The following SHOC2 variants were observed in gnomAD, a reference collection of about 807,000 sequenced individuals.
SHOC2 encodes SHOC2 leucine rich repeat scaffold protein.
Under a neutral mutation model 50.2 loss-of-function variants are expected in SHOC2, and 4 were observed. The observed-to-expected ratio is 0.08, with a 90% CI of 0.04 to 0.18. The LOEUF is 0.18. Among genes scored for constraint, SHOC2 ranks in the 10% least tolerant of loss-of-function variants. The pLI, the probability that SHOC2 is intolerant of heterozygous loss-of-function variation, is 1.00. For synonymous variants in SHOC2, 218 were observed against 244.5 expected, an observed-to-expected ratio of 0.89 and a Z score of 1.01; for missense variants, 388 against 669.6, an observed-to-expected ratio of 0.58 and a Z score of 4.64.
intron 2 of SHOC2, among the ~76,000 whole-genome samples, chr10:110,983,648 CTG>C (rs1848025569): frequency 6.6e-6 from 1 of 152,202 alleles, no homozygotes. Context: ...GACTGAAACT[CTG>C]TACCTGCTGA....
Position 110,940,928 on chromosome 10 carries a change from T to G in SHOC2, c.-235+21271T>G, listed in dbSNP as rs1354471137. On this transcript the variant is annotated intron_variant, in intron 1 of 8. Transcript: ENST00000369452. ...GTGGTGGGTTTTTTTTTTTTTTTTTTTTTTTTTTTTTTTTTTTTTTGTGAC... is the reference window on the plus strand; with the variant it reads ...GTGGTGGGTTTTTTTTTTTTTTTTTGTTTTTTTTTTTTTTTTTTTTGTGAC... Among the ~76,000 whole-genome samples the G allele has an allele frequency of 9.8e-3, 83 of 8,458 alleles. 5 individuals carry two copies. Among genetic ancestry groups the G allele is most frequent in the East Asian group, 0.029 (3 of 104 alleles). The allele number at this position is 8,458 out of a possible 152,430, so 5.5% of individuals were successfully genotyped here. A position where few individuals can be genotyped will look rare whatever the true frequency, so the allele number is the denominator to read the frequency against.
At chr10:110,979,145 C>T (rs1367102525) in intron 2 of SHOC2, among the ~76,000 whole-genome samples, 1 of 152,218 alleles carries the variant, frequency 6.6e-6, no homozygotes, top group Non-Finnish European at 1.5e-5. Context: ...AAAGGATACA[C>T]ATCCCAACTC....
chr10:110,957,834 C>T (rs1398910319), intron 1 of SHOC2, among the ~76,000 whole-genome samples: 1 of 152,128 alleles, frequency 6.6e-6, no homozygotes, highest in Non-Finnish European at 1.5e-5. Flanking sequence ...GGTCTATGTC[C>T]TCATACATTC....
At chr10:110,942,032 G>T (rs1035138005) in intron 1 of SHOC2, among the ~76,000 whole-genome samples, 7 of 152,212 alleles carry the variant, frequency 4.6e-5, no homozygotes, top group Admixed American at 4.6e-4. Context: ...ACCATCCAAA[G>T]AATTTTTCAT....
intron 1 of SHOC2, among the ~76,000 whole-genome samples, chr10:110,926,428 G>A (rs1300573697): frequency 6.6e-6 from 1 of 152,176 alleles, no homozygotes; most frequent in Non-Finnish European, 1.5e-5. Flanking sequence ...TGTTTTTAGA[G>A]TCCTTCAAGC....
intron 3 of SHOC2, among the ~76,000 whole-genome samples, chr10:110,987,429 T>G (rs555103848): frequency 6.6e-6 from 1 of 152,064 alleles, no homozygotes; most frequent in Non-Finnish European, 1.5e-5. Flanking sequence ...TTAGAATCTA[T>G]GTTTCCCTGA....
intron 1 of SHOC2, among the ~76,000 whole-genome samples, chr10:110,938,363 T>C (rs2134087136): frequency 6.6e-6 from 1 of 152,294 alleles, no homozygotes; most frequent in Middle Eastern, 3.4e-3. Context: ...TCACAGAAAA[T>C]TTTAATGCTT....
rs567048327 is a variant in SHOC2, at chr10:111,007,146, T to G, written c.1162-385T>G. Among the ~76,000 whole-genome samples, 22 of 152,286 alleles carry G rather than the reference T, an allele frequency of 1.4e-4. 1 individual carries two copies. Among genetic ancestry groups the G allele is most frequent in the Admixed American group, 5.9e-4 (9 of 15,302 alleles). ...CTTATGGGCTGTCATTAGATGCGTC[T>G]TCTTCTATTGTTTTCATATCTTTAT... On this transcript the variant is annotated intron_variant, in intron 5 of 8. Coordinates refer to ENST00000369452, the MANE Select transcript of SHOC2 (RefSeq NM_007373.4).
intron 2 of SHOC2, among the ~76,000 whole-genome samples, chr10:110,965,893 G>GTAT (rs1268318364): frequency 2.6e-5 from 4 of 152,056 alleles, no homozygotes; most frequent in African/African-American, 9.7e-5. Context: ...ATTGATAAAG[G>GTAT]TATTGCCTCT....
intron 1 of SHOC2, among the ~76,000 whole-genome samples, chr10:110,937,422 C>A (rs540863977): frequency 6.6e-6 from 1 of 152,328 alleles, no homozygotes; most frequent in Admixed American, 6.5e-5. Context: ...AAGATGCAAG[C>A]CATTTCCCTG....
At chr10:110,987,795 A>G (rs1848108354) in intron 3 of SHOC2, among the ~76,000 whole-genome samples, 1 of 152,174 alleles carries the variant, frequency 6.6e-6, no homozygotes, top group South Asian at 2.1e-4. Flanking sequence ...ACAAAAAGGG[A>G]ACAAAGAATA....
At chr10:110,942,231 A>C (rs532375994) in intron 1 of SHOC2, among the ~76,000 whole-genome samples, 1 of 152,338 alleles carries the variant, frequency 6.6e-6, no homozygotes, top group Admixed American at 6.5e-5. Context: ...TTTCGTCAGG[A>C]AGGTCTTTAA....
At chr10:110,944,242 G>C (rs1025775227) in intron 1 of SHOC2, among the ~76,000 whole-genome samples, 1 of 151,862 alleles carries the variant, frequency 6.6e-6, no homozygotes, top group Non-Finnish European at 1.5e-5. Context: ...TTATTTTGAA[G>C]TTGGTACTTA....
intron 1 of SHOC2, among the ~76,000 whole-genome samples, chr10:110,958,535 A>G (rs958969610): frequency 8.6e-5 from 13 of 151,986 alleles, no homozygotes; most frequent in Admixed American, 2.0e-4. Flanking sequence ...CTAAATATTT[A>G]TCTTCCCCAG....
chr10:110,954,606 T>C (rs755327468), intron 1 of SHOC2, among the ~76,000 whole-genome samples: 2 of 152,246 alleles, frequency 1.3e-5, no homozygotes, highest in Non-Finnish European at 2.9e-5. Flanking sequence ...CCTTATCTTA[T>C]GGAAGGAAGT....
At chr10:110,975,243 C>T in intron 2 of SHOC2, among the ~76,000 whole-genome samples, 1 of 151,844 alleles carries the variant, frequency 6.6e-6, no homozygotes, top group Non-Finnish European at 1.5e-5. Flanking sequence ...GCAAGCTCCG[C>T]CTTCTGGGTT....
chr10:110,949,373 C>G (rs907558631), intron 1 of SHOC2, among the ~76,000 whole-genome samples: 4 of 151,970 alleles, frequency 2.6e-5, no homozygotes, highest in African/African-American at 9.7e-5. Context: ...AGAAGCATAG[C>G]GTCTACCAAT....
At chr10:110,958,414 A>G (rs542017424) in intron 1 of SHOC2, among the ~76,000 whole-genome samples, 1 of 152,114 alleles carries the variant, frequency 6.6e-6, no homozygotes, top group East Asian at 1.9e-4. Flanking sequence ...GGGTTTCACC[A>G]TGTTGGCCAG....
chr10:110,928,925 G>T (rs1846833246), intron 1 of SHOC2, among the ~76,000 whole-genome samples: 1 of 152,070 alleles, frequency 6.6e-6, no homozygotes, highest in African/African-American at 2.4e-5. Context: ...CTCCTGTAGA[G>T]TTAGCTCTGT....
Sources: allele counts gnomAD v4.1 joint callset (sites outside exome capture counted in the v4.1 genomes callset), GRCh38; gene constraint gnomAD v4.1.1; transcripts MANE v1.5; gene names NCBI Gene and HGNC (gene_info 2026-07-23, HGNC 2026-07-21).